Variants in NRXN3 observed in about 807,000 individuals in gnomAD.
The protein encoded by NRXN3 is neurexin 3.
In NRXN3, 32 loss-of-function variants were observed where a neutral mutation model predicts 137.6. That is an observed-to-expected ratio of 0.23 (90% CI 0.18 to 0.31). The LOEUF (loss-of-function observed/expected upper bound fraction) is 0.31. Ranked by LOEUF, NRXN3 falls within the 10% of genes least tolerant of loss-of-function variation. The pLI, the probability that NRXN3 is intolerant of heterozygous loss-of-function variation, is 1.00. For missense variants in NRXN3, 1,574 were observed against 2,062.5 expected (o/e 0.76, Z 4.59); for synonymous variants, 798 against 784.5 (o/e 1.02, Z -0.29).
intron 8 of NRXN3, among the ~76,000 whole-genome samples, chr14:78,735,302 A>G (rs1180055773): frequency 6.6e-6 from 1 of 152,214 alleles, no homozygotes; most frequent in African/African-American, 2.4e-5. Flanking sequence ...CTCAATATCA[A>G]ACAGAAACAA....
intron 15 of NRXN3, among the ~76,000 whole-genome samples, chr14:79,163,030 C>T (rs1452264912): frequency 6.6e-6 from 1 of 151,774 alleles, no homozygotes; most frequent in East Asian, 1.9e-4. Context: ...TGAATTAACT[C>T]TTGAGTCAGC....
At chr14:79,285,911 T>A (rs1229510096) in intron 15 of NRXN3, among the ~76,000 whole-genome samples, 2 of 138,350 alleles carry the variant, frequency 1.4e-5, no homozygotes. Flanking sequence ...AGTAAAACTG[T>A]ACTGTTCAGT....
intron 11 of NRXN3, among the ~76,000 whole-genome samples, chr14:78,962,573 G>T (rs1291405595): frequency 1.3e-5 from 2 of 152,070 alleles, no homozygotes; most frequent in African/African-American, 4.8e-5. Context: ...ATATTTGGTT[G>T]GTTTGGCACA....
intron 19 of NRXN3, among the ~76,000 whole-genome samples, chr14:79,746,838 A>G (rs977284286): frequency 6.6e-6 from 1 of 152,016 alleles, no homozygotes; most frequent in Non-Finnish European, 1.5e-5. Flanking sequence ...CTATTTAGAC[A>G]GTTACTTCTT....
At chr14:78,855,030 G>A (rs929276732) in intron 10 of NRXN3, among the ~76,000 whole-genome samples, 6 of 151,984 alleles carry the variant, frequency 3.9e-5, no homozygotes, top group African/African-American at 1.4e-4. Flanking sequence ...TGAGTGTGGT[G>A]GCACACACCT....
intron 10 of NRXN3, among the ~76,000 whole-genome samples, chr14:78,926,780 TAAA>T (rs1244297997): frequency 5.2e-5 from 2 of 38,576 alleles, no homozygotes; most frequent in South Asian, 6.0e-4. Flanking sequence ...ATTATATATA[TAAA>T]ATATATTATA....
At chr14:78,203,764 C>T (rs2061894553) in intron 1 of NRXN3, among the ~76,000 whole-genome samples, 1 of 150,920 alleles carries the variant, frequency 6.6e-6, no homozygotes, top group Non-Finnish European at 1.5e-5. Flanking sequence ...TATTTTCCTA[C>T]CACATACCAT....
At chr14:79,471,622 C>T (rs2096508983) in intron 16 of NRXN3, among the ~76,000 whole-genome samples, 1 of 152,094 alleles carries the variant, frequency 6.6e-6, no homozygotes, top group South Asian at 2.1e-4. Flanking sequence ...AAGTCAGCTC[C>T]TGTGACAGAA....
At position 78,324,120 on chromosome 14, in the gene NRXN3, C is replaced by T. The variant is rs956578783; in HGVS notation, c.757+26260C>T. On this transcript the variant is annotated intron_variant, in intron 4 of 20. Coordinates refer to ENST00000335750, the MANE Select transcript of NRXN3 (RefSeq NM_001330195.2). ...GAGAAACCCGAGCTGGGATTGGAACCCAGGCCTGAGCTCTTAACCACTATG... is the reference window on the plus strand; with the variant it reads ...GAGAAACCCGAGCTGGGATTGGAACTCAGGCCTGAGCTCTTAACCACTATG... Among the ~76,000 whole-genome samples the T allele has an allele frequency of 2.0e-5, 3 of 152,008 alleles. 1 individual carries two copies. The highest frequency in any genetic ancestry group is 7.3e-5 in the African/African-American group (3 of 41,312).
chr14:79,556,763 C>G (rs1205078698), intron 16 of NRXN3, among the ~76,000 whole-genome samples: 1 of 152,040 alleles, frequency 6.6e-6, no homozygotes, highest in Admixed American at 6.6e-5. Flanking sequence ...ACTATGTTGC[C>G]CAGGTTGGTC....
At position 79,469,332 on chromosome 14, in the gene NRXN3, A is replaced by G. The variant is rs547142401; in HGVS notation, c.3444+1930A>G. Reference sequence around the variant, plus strand: ...TTAGCAGTGTTTTAATAAAATTGTCATGCAGATTGTGGTAACTTCTAGGAG... The same window carrying G: ...TTAGCAGTGTTTTAATAAAATTGTCGTGCAGATTGTGGTAACTTCTAGGAG... On this transcript the variant is annotated intron_variant, in intron 16 of 20. Transcript: ENST00000335750. Among the ~76,000 whole-genome samples the G allele has an allele frequency of 2.3e-4, 35 of 152,304 alleles. No individual in the cohort carries two copies. The South Asian group carries it at 7.0e-3, about 31-fold the overall frequency.
chr14:78,251,005 T>C (rs1451598664), intron 2 of NRXN3, among the ~76,000 whole-genome samples: 1 of 151,970 alleles, frequency 6.6e-6, no homozygotes, highest in Non-Finnish European at 1.5e-5. Flanking sequence ...AATGAATGAA[T>C]ATGAGTATAG....
At chr14:79,662,841 G>T (rs1169539047) in intron 16 of NRXN3, among the ~76,000 whole-genome samples, 2 of 152,020 alleles carry the variant, frequency 1.3e-5, no homozygotes, top group Non-Finnish European at 2.9e-5. Context: ...CCAAGGGAAT[G>T]GTACTAAAAC....
At chr14:79,277,270 G>A (rs777154457) in intron 15 of NRXN3, among the ~76,000 whole-genome samples, 2 of 152,124 alleles carry the variant, frequency 1.3e-5, no homozygotes, top group African/African-American at 4.8e-5. Flanking sequence ...AAGACCTGGG[G>A]AACTAGAGAG....
intron 8 of NRXN3, among the ~76,000 whole-genome samples, chr14:78,764,807 T>G (rs533115007): frequency 1.3e-5 from 2 of 151,898 alleles, no homozygotes; most frequent in Admixed American, 6.6e-5. Flanking sequence ...TCGAGAGGAG[T>G]GCACCATTAG....
chr14:79,862,184 C>A lies in NRXN3; in HGVS notation c.*220C>A. ...AGCCACGGCTGCGGCAAGGTCCCAG[C>A]GGTCGCTGGGAGACAGAAGGTTTTG... On this transcript the variant is annotated 3_prime_UTR_variant, in exon 21 of 21. Coordinates refer to ENST00000335750, the MANE Select transcript of NRXN3 (RefSeq NM_001330195.2). 1 of 517,206 alleles carries A rather than the reference C, an allele frequency of 1.9e-6. No individual in the cohort carries two copies. The highest frequency in any genetic ancestry group is 2.3e-5 in the South Asian group (1 of 43,316). The allele number at this position is 517,206 out of a possible 1,614,324, so 32.0% of individuals were successfully genotyped here.
chr14:79,528,701 T>G lies in NRXN3; in HGVS notation c.3444+61299T>G, dbSNP rs114389529. Among the ~76,000 whole-genome samples the G allele has an allele frequency of 3.9e-3, 598 of 152,140 alleles. 8 individuals carry two copies. Among genetic ancestry groups the G allele is most frequent in the African/African-American group, 0.013 (557 of 41,484 alleles). ...TTTTTTTATTTCTAAGACTAGAAAATTATTTAGCAAACAAGTGGACCAAAG... is the reference window on the plus strand; with the variant it reads ...TTTTTTTATTTCTAAGACTAGAAAAGTATTTAGCAAACAAGTGGACCAAAG... On this transcript the variant is annotated intron_variant, in intron 16 of 20. Coordinates refer to ENST00000335750, the MANE Select transcript of NRXN3 (RefSeq NM_001330195.2).
chr14:78,779,950 C>T (rs2098762743), intron 8 of NRXN3, among the ~76,000 whole-genome samples: 1 of 152,144 alleles, frequency 6.6e-6, no homozygotes, highest in Non-Finnish European at 1.5e-5. Context: ...TGGAATTTGA[C>T]AAGCTAACTC....
chr14:78,481,717 T>C (rs187187443), intron 4 of NRXN3, among the ~76,000 whole-genome samples: 1 of 152,256 alleles, frequency 6.6e-6, no homozygotes, highest in Admixed American at 6.5e-5. Flanking sequence ...CCAAAAACAA[T>C]ATGAATACTT....
Sources: gnomAD v4.1 joint callset for allele counts (sites outside exome capture counted in the v4.1 genomes callset) on GRCh38, gnomAD v4.1.1 for gene constraint, MANE v1.5 for transcripts, NCBI Gene and HGNC (gene_info 2026-07-23, HGNC 2026-07-21) for gene names.